The following SNTG1 variants were observed in gnomAD, a reference collection of about 807,000 sequenced individuals.
SNTG1 encodes syntrophin gamma 1, also known as gamma-1-syntrophin.
Under a neutral mutation model 74.7 loss-of-function variants are expected in SNTG1, and 39 were observed. The ratio of observed to expected loss-of-function variants is 0.52; its 90% CI spans 0.40 to 0.68. SNTG1 has a LOEUF of 0.68. SNTG1 is among the 30% of genes least tolerant of loss of function. The probability of loss-of-function intolerance (pLI) is 0.00; values close to 1 mark genes in which losing one functional copy is unlikely to be tolerated. For synonymous variants in SNTG1, 254 were observed against 217.1 expected (o/e 1.17, Z -1.49); for missense variants, 685 against 609.5 (o/e 1.12, Z -1.30).
At chr8:50,103,817 G>A (rs371070731) in intron 1 of SNTG1, among the ~76,000 whole-genome samples, 38 of 152,166 alleles carry the variant, frequency 2.5e-4, no homozygotes, top group African/African-American at 8.7e-4. Context: ...TATTGAGATA[G>A]TCATGTGGTT....
At chr8:50,405,058 G>C (rs1170858359) in intron 4 of SNTG1, among the ~76,000 whole-genome samples, 1 of 152,030 alleles carries the variant, frequency 6.6e-6, no homozygotes, top group Non-Finnish European at 1.5e-5. Context: ...TCACTCGGTA[G>C]TAAACATTGA....
At chr8:50,595,719 C>A (rs2094722659) in intron 13 of SNTG1, among the ~76,000 whole-genome samples, 1 of 151,978 alleles carries the variant, frequency 6.6e-6, no homozygotes, top group Admixed American at 6.6e-5. Flanking sequence ...TAAATGGGAT[C>A]ATACTGTATG....
intron 12 of SNTG1, among the ~76,000 whole-genome samples, chr8:50,570,729 C>G (rs1585718218): frequency 6.6e-6 from 1 of 151,568 alleles, no homozygotes. Flanking sequence ...CTCAGGCTCC[C>G]AAATAGCTGG....
At chr8:50,556,432 G>A (rs2130640370) in intron 12 of SNTG1, among the ~76,000 whole-genome samples, 2 of 152,192 alleles carry the variant, frequency 1.3e-5, no homozygotes, top group Admixed American at 1.3e-4. Context: ...ATTATTTTAG[G>A]TAAAGTGGAC....
Position 50,656,994 on chromosome 8 carries a change from G to A in SNTG1, c.935G>A (p.Gly312Asp), listed in dbSNP as rs766301105. ...VYSPTFLALR[G>D]SCLYKFLAPP... ...TCCCCGACCTTCCTGGCCCTGAGGG[G>A]CTCATGTCTCTACAAGTTTCTGGCA... The change falls in exon 14 of 19, where the codon GGC (glycine) becomes GAC (aspartate). Residue 312 changes from glycine (G) to aspartate (D), a missense_variant. Physicochemically the swap from Gly to Asp is moderately conservative, Grantham distance 94 (BLOSUM62 -1). Coordinates refer to ENST00000642720, the MANE Select transcript of SNTG1 (RefSeq NM_018967.5). 1.3e-6 allele frequency: 2 copies of A among 1,572,178 alleles called. No individual in the cohort carries two copies. The highest frequency in any genetic ancestry group is 1.7e-6 in the Non-Finnish European group (2 of 1,161,822).
chr8:50,065,414 GAATA>G (rs1405310402), intron 1 of SNTG1, among the ~76,000 whole-genome samples: 1 of 152,074 alleles, frequency 6.6e-6, no homozygotes, highest in Non-Finnish European at 1.5e-5. Context: ...TAAATAAATA[GAATA>G]AATAAAATCG....
At chr8:50,301,862 G>GTTTT (rs549672864) in intron 2 of SNTG1, among the ~76,000 whole-genome samples, 20 of 105,162 alleles carry the variant, frequency 1.9e-4, no homozygotes, top group African/African-American at 5.1e-4. Flanking sequence ...TTTGTTTTTT[G>GTTTT]TTTTTTTTTT....
At chr8:50,139,754 T>C (rs913130947) in intron 1 of SNTG1, among the ~76,000 whole-genome samples, 1 of 152,230 alleles carries the variant, frequency 6.6e-6, no homozygotes, top group African/African-American at 2.4e-5. Context: ...AACAGCTAAT[T>C]ATCTTTCATG....
At chr8:50,553,740 T>A (rs1238817248) in intron 12 of SNTG1, among the ~76,000 whole-genome samples, 1 of 152,204 alleles carries the variant, frequency 6.6e-6, no homozygotes, top group Non-Finnish European at 1.5e-5. Context: ...AGCTATCTTC[T>A]CATTATTTTA....
At chr8:50,432,760 A>C (rs2093252706) in intron 4 of SNTG1, among the ~76,000 whole-genome samples, 1 of 151,538 alleles carries the variant, frequency 6.6e-6, no homozygotes, top group African/African-American at 2.4e-5. Flanking sequence ...TTTTTCTTTT[A>C]TTTTTTATTT....
chr8:50,014,560 C>T (rs1262233940), intron 1 of SNTG1, among the ~76,000 whole-genome samples: 1 of 152,194 alleles, frequency 6.6e-6, no homozygotes, highest in Admixed American at 6.6e-5. Flanking sequence ...ACCAGCTACT[C>T]ACTGACCTTA....
intron 17 of SNTG1, among the ~76,000 whole-genome samples, chr8:50,724,744 C>A (rs1277793553): frequency 6.6e-6 from 1 of 152,072 alleles, no homozygotes; most frequent in Non-Finnish European, 1.5e-5. Context: ...AGAATTTGAT[C>A]TTGCTACAAC....
rs144037741 is a variant in SNTG1 at position 50,653,273 on chromosome 8, G to A, written c.850-3636G>A. On this transcript the variant is annotated intron_variant, in intron 13 of 18. Coordinates refer to ENST00000642720, the MANE Select transcript of SNTG1 (RefSeq NM_018967.5). Reference sequence around the variant, plus strand: ...AGCCTGGGCAACATAGCAAAACTCCGTCTCTACAAAAATTAGCCAGAAGTG... The same window carrying A: ...AGCCTGGGCAACATAGCAAAACTCCATCTCTACAAAAATTAGCCAGAAGTG... Among the ~76,000 whole-genome samples, 319 of 152,028 alleles carry A rather than the reference G, an allele frequency of 2.1e-3. 1 individual carries two copies. The highest frequency in any genetic ancestry group is 3.7e-3 in the Non-Finnish European group (251 of 67,976).
chr8:50,370,221 C>G (rs1041175078), intron 2 of SNTG1, among the ~76,000 whole-genome samples: 1 of 152,122 alleles, frequency 6.6e-6, no homozygotes, highest in Non-Finnish European at 1.5e-5. Context: ...AGATTCTGGG[C>G]GTGCTATGAA....
intron 2 of SNTG1, among the ~76,000 whole-genome samples, chr8:50,323,518 A>C (rs865967649): frequency 6.6e-6 from 1 of 152,174 alleles, no homozygotes; most frequent in African/African-American, 2.4e-5. Context: ...TAAGCCAAAT[A>C]ATGCTGTTGA....
At chr8:50,291,715 A>G (rs2089121709) in intron 2 of SNTG1, among the ~76,000 whole-genome samples, 1 of 152,208 alleles carries the variant, frequency 6.6e-6, no homozygotes, top group Non-Finnish European at 1.5e-5. Context: ...ATAGGCTACA[A>G]GAAAGAAAAT....
intron 2 of SNTG1, among the ~76,000 whole-genome samples, chr8:50,254,813 A>T (rs947796630): frequency 6.6e-6 from 1 of 151,000 alleles, no homozygotes; most frequent in Non-Finnish European, 1.5e-5. Context: ...GCCACGAGCC[A>T]CTGCACTCCA....
At chr8:49,978,409 C>G (rs574655899) in intron 1 of SNTG1, among the ~76,000 whole-genome samples, 1 of 152,256 alleles carries the variant, frequency 6.6e-6, no homozygotes, top group African/African-American at 2.4e-5. Context: ...GCAGCCAAGG[C>G]AGAGCACATT....
intron 15 of SNTG1, among the ~76,000 whole-genome samples, chr8:50,691,267 A>G (rs1211525925): frequency 6.6e-6 from 1 of 152,108 alleles, no homozygotes; most frequent in Non-Finnish European, 1.5e-5. Context: ...TAATATTGTT[A>G]TGTGTGTATT....
Sources: allele counts gnomAD v4.1 joint callset (sites outside exome capture counted in the v4.1 genomes callset), GRCh38; gene constraint gnomAD v4.1.1; transcripts MANE v1.5; gene names NCBI Gene and HGNC (gene_info 2026-07-23, HGNC 2026-07-21).